PLXDC2: variants seen among roughly 807,000 people sequenced by gnomAD.
PLXDC2 encodes the protein plexin domain-containing protein 2.
Under a neutral mutation model 68.9 loss-of-function variants are expected in PLXDC2, and 40 were observed. That is an observed-to-expected ratio of 0.58 (90% CI 0.45 to 0.76). The LOEUF is 0.76. PLXDC2 is among the 30% of genes least tolerant of loss of function. PLXDC2 has a pLI of 0.00. For synonymous variants in PLXDC2, 243 were observed against 234.2 expected, an observed-to-expected ratio of 1.04 and a Z score of -0.34; for missense variants, 644 against 661.9, an observed-to-expected ratio of 0.97 and a Z score of 0.30.
intron 4 of PLXDC2, among the ~76,000 whole-genome samples, chr10:20,118,633 G>C (rs1833653902): frequency 6.6e-6 from 1 of 152,082 alleles, no homozygotes; most frequent in Non-Finnish European, 1.5e-5. Flanking sequence ...TCAAGAAATG[G>C]GGTCATGATC....
intron 11 of PLXDC2, 92 bp from the exon 12 acceptor site, chr10:20,218,972 A>C (rs1317279535): frequency 9.4e-6 from 13 of 1,387,524 alleles, no homozygotes; most frequent in Non-Finnish European, 1.2e-5. Context: ...TGTTCCGACC[A>C]AGGCAGTTAG....
At chr10:20,035,386 A>T (rs1040375317) in intron 2 of PLXDC2, among the ~76,000 whole-genome samples, 4 of 152,176 alleles carry the variant, frequency 2.6e-5, no homozygotes, top group Admixed American at 6.6e-5. Flanking sequence ...ATAGTATTTT[A>T]AAAAATCTGA....
At chr10:20,020,677 T>C (rs932883318) in intron 2 of PLXDC2, among the ~76,000 whole-genome samples, 3 of 152,204 alleles carry the variant, frequency 2.0e-5, no homozygotes, top group Non-Finnish European at 4.4e-5. Flanking sequence ...TTGAAACTGA[T>C]TTGGGTAGCT....
At chr10:20,131,346 C>T (rs1833865116) in intron 4 of PLXDC2, among the ~76,000 whole-genome samples, 3 of 151,874 alleles carry the variant, frequency 2.0e-5, no homozygotes, top group Admixed American at 2.0e-4. Context: ...ATAGTAGTTT[C>T]TTCTGATATT....
intron 2 of PLXDC2, among the ~76,000 whole-genome samples, chr10:20,030,693 G>A (rs111637208): frequency 0.018 from 2,681 of 152,184 alleles, 76 homozygotes; most frequent in African/African-American, 0.061. Context: ...GCCCTGACTG[G>A]TTTATACAGC....
chr10:20,246,981 G>A lies in PLXDC2; in HGVS notation c.1473+1476G>A, dbSNP rs61857172. Among the ~76,000 whole-genome samples the A allele has an allele frequency of 4.5e-3, 678 of 152,130 alleles. 3 individuals are homozygous for A. Among genetic ancestry groups the A allele is most frequent in the South Asian group, 0.013 (64 of 4,820 alleles). On this transcript the variant is annotated intron_variant, in intron 13 of 13. Coordinates refer to ENST00000377252, the MANE Select transcript of PLXDC2 (RefSeq NM_032812.9). ...ACAACTGTCTGTAGAAGAAAGTGCC[G>A]TCTCCTTTTCCTTCTGTGGGGGCTC...
intron 1 of PLXDC2, among the ~76,000 whole-genome samples, chr10:19,950,506 A>G (rs1833973893): frequency 6.6e-6 from 1 of 152,222 alleles, no homozygotes; most frequent in African/African-American, 2.4e-5. Flanking sequence ...AAGAAATCAC[A>G]GATAACACAG....
At chr10:20,079,514 C>T (rs957853567) in intron 4 of PLXDC2, among the ~76,000 whole-genome samples, 2 of 152,104 alleles carry the variant, frequency 1.3e-5, no homozygotes, top group African/African-American at 2.4e-5. Context: ...TTTACAATAG[C>T]AAAGACTTGG....
chr10:20,130,577 T>A (rs1206940668), intron 4 of PLXDC2, among the ~76,000 whole-genome samples: 1 of 152,128 alleles, frequency 6.6e-6, no homozygotes, highest in African/African-American at 2.4e-5. Flanking sequence ...TTGTTACTAA[T>A]CCCGAGAAGC....
intron 12 of PLXDC2, among the ~76,000 whole-genome samples, chr10:20,230,353 A>T (rs1377088008): frequency 6.6e-6 from 1 of 152,108 alleles, no homozygotes; most frequent in African/African-American, 2.4e-5. Context: ...AGACAAGGAG[A>T]ATTAACAGAG....
At chr10:20,220,765 A>G (rs903192543) in intron 12 of PLXDC2, among the ~76,000 whole-genome samples, 1 of 151,708 alleles carries the variant, frequency 6.6e-6, no homozygotes, top group South Asian at 2.1e-4. Context: ...TTGAGAGAAC[A>G]TGCATCCTGA....
chr10:20,092,778 T>C (rs1404685991), intron 4 of PLXDC2, among the ~76,000 whole-genome samples: 1 of 151,852 alleles, frequency 6.6e-6, no homozygotes, highest in Non-Finnish European at 1.5e-5. Flanking sequence ...ACAAGTACTT[T>C]ATAAGAGGAA....
intron 2 of PLXDC2, among the ~76,000 whole-genome samples, chr10:20,015,867 T>C (rs1835201658): frequency 6.6e-6 from 1 of 152,178 alleles, no homozygotes; most frequent in Admixed American, 6.5e-5. Flanking sequence ...AACCATCGTG[T>C]TCACTCTCCT....
chr10:20,209,652 G>T (rs1347495347), intron 9 of PLXDC2, among the ~76,000 whole-genome samples: 1 of 152,106 alleles, frequency 6.6e-6, no homozygotes, highest in Non-Finnish European at 1.5e-5. Flanking sequence ...TATCTCTCTT[G>T]TTCCCTGAAC....
chr10:20,152,583 A>G (rs1236923776), intron 6 of PLXDC2, among the ~76,000 whole-genome samples: 1 of 152,118 alleles, frequency 6.6e-6, no homozygotes, highest in Non-Finnish European at 1.5e-5. Flanking sequence ...CCAACTGTTC[A>G]TTATAATGCA....
intron 1 of PLXDC2, among the ~76,000 whole-genome samples, chr10:19,902,617 C>T (rs1234623771): frequency 1.3e-5 from 2 of 152,090 alleles, no homozygotes; most frequent in East Asian, 3.9e-4. Context: ...ACGATCATAT[C>T]ACCAGCAAAC....
intron 4 of PLXDC2, among the ~76,000 whole-genome samples, chr10:20,082,145 C>G (rs1836578555): frequency 1.4e-5 from 2 of 147,890 alleles, no homozygotes; most frequent in Non-Finnish European, 3.0e-5. Flanking sequence ...AATATAATGT[C>G]ATATTGTGGA....
chr10:20,026,242 T>G (rs1835401051), intron 2 of PLXDC2, among the ~76,000 whole-genome samples: 1 of 152,162 alleles, frequency 6.6e-6, no homozygotes, highest in Non-Finnish European at 1.5e-5. Context: ...TTTTTTATAT[T>G]GCTGGCTATA....
intron 1 of PLXDC2, among the ~76,000 whole-genome samples, chr10:19,887,730 T>G (rs1837875410): frequency 6.6e-6 from 1 of 152,176 alleles, no homozygotes; most frequent in Admixed American, 6.5e-5. Flanking sequence ...ACTCAAAATA[T>G]CGATAGTGGC....
Sources: allele counts gnomAD v4.1 joint callset (sites outside exome capture counted in the v4.1 genomes callset), GRCh38; gene constraint gnomAD v4.1.1; transcripts MANE v1.5; gene names NCBI Gene and HGNC (gene_info 2026-07-23, HGNC 2026-07-21).